The following EFHD1 variants were observed in gnomAD, a reference collection of about 807,000 sequenced individuals.
EFHD1 encodes the protein EF-hand domain-containing protein D1.
EFHD1 carries 10 observed loss-of-function variants against 17.2 expected under a neutral mutation model. That is an observed-to-expected ratio of 0.58 (90% confidence interval 0.36 to 0.99). EFHD1 has a LOEUF of 0.99. Ranked by LOEUF, EFHD1 falls within the 50% of genes least tolerant of loss-of-function variation. The pLI is 0.01. For synonymous variants in EFHD1, 153 were observed against 142.0 expected, an observed-to-expected ratio of 1.08 and a Z score of -0.55; for missense variants, 310 against 327.5, an observed-to-expected ratio of 0.95 and a Z score of 0.41.
chr2:232,634,525 G>C (rs1036442540), intron 1 of EFHD1, among the ~76,000 whole-genome samples: 1 of 152,246 alleles, frequency 6.6e-6, no homozygotes, highest in African/African-American at 2.4e-5. Flanking sequence ...CGTTGTAAGA[G>C]ATTCAGGACT....
intron 3 of EFHD1, among the ~76,000 whole-genome samples, chr2:232,678,871 G>C (rs1206830493): frequency 3.3e-5 from 5 of 152,166 alleles, no homozygotes; most frequent in Non-Finnish European, 5.9e-5. Context: ...TAATGGGCTA[G>C]CAATAAAAGG....
upstream of EFHD1, among the ~76,000 whole-genome samples, chr2:232,632,668 C>A (rs1694224958): frequency 1.3e-5 from 2 of 152,214 alleles, no homozygotes; most frequent in South Asian, 4.1e-4. Context: ...CTCTGTCGCC[C>A]AGGCTGGAGT....
chr2:232,622,704 T>A (rs1694042354), intron 1 of EFHD1, among the ~76,000 whole-genome samples: 1 of 151,960 alleles, frequency 6.6e-6, no homozygotes, highest in Non-Finnish European at 1.5e-5. Flanking sequence ...CCAGTGAGGG[T>A]TGCAGGAGAG....
chr2:232,677,207 T>TACACACACACAC (rs61607311), intron 3 of EFHD1, among the ~76,000 whole-genome samples: 1,995 of 131,298 alleles, frequency 0.015, 63 homozygotes, highest in African/African-American at 0.058. Context: ...ACCCCATCTC[T>TACACACACACAC]ACACACACAC....
chr2:232,666,504 A>G (rs1286781673), intron 2 of EFHD1, among the ~76,000 whole-genome samples: 1 of 152,236 alleles, frequency 6.6e-6, no homozygotes, highest in African/African-American at 2.4e-5. Flanking sequence ...TGCAATTGCC[A>G]AATGAATTAA....
At chr2:232,608,286 C>T (rs966241501) in intron 1 of EFHD1, among the ~76,000 whole-genome samples, 3 of 152,088 alleles carry the variant, frequency 2.0e-5, no homozygotes, top group Admixed American at 1.3e-4. Context: ...GGGAGAATCA[C>T]TTGAATCCGG....
rs912038940 is a variant in EFHD1 at position 232,618,737 on chromosome 2, A to T, written c.14+12564A>T. 1.9e-3 allele frequency among the ~76,000 whole-genome samples: 278 copies of T among 145,134 alleles called. 3 individuals are homozygous for T. The highest frequency in any genetic ancestry group is 6.4e-3 in the African/African-American group (243 of 38,146). ...GACTCTGTCTCAAAAAAAAAAAAAAATTTTGAAAAAAGGGAAATACATGCT... is the reference window on the plus strand; with the variant it reads ...GACTCTGTCTCAAAAAAAAAAAAAATTTTTGAAAAAAGGGAAATACATGCT... On this transcript the variant is annotated intron_variant, in intron 1 of 3. Transcript: ENST00000409613.
chr2:232,647,948 C>A (rs1477033759), intron 1 of EFHD1, among the ~76,000 whole-genome samples: 3 of 152,242 alleles, frequency 2.0e-5, no homozygotes, highest in Admixed American at 2.0e-4. Context: ...CCTTTCAGAA[C>A]TTTTATGCAG....
chr2:232,633,756 G>A lies in EFHD1; in HGVS notation c.52G>A (p.Glu18Lys). 2 of 1,468,210 alleles carry A rather than the reference G, an allele frequency of 1.4e-6. No homozygotes were observed. Among genetic ancestry groups the A allele is most frequent in the Non-Finnish European group, 1.8e-6 (2 of 1,118,178 alleles). 90.9% of individuals were successfully genotyped at this position (1,468,210 alleles called of 1,614,324 possible). A position where few individuals can be genotyped will look rare whatever the true frequency, so the allele number is the denominator to read the frequency against. Residue 18 changes from glutamate (E) to lysine (K), a missense_variant, in exon 1 of 4, where the codon GAG becomes AAG. Transcript: ENST00000264059. ...GCTGGAGCGCCGGCTGCGGCGCGAGGAGGCCGAGGAGAGTGGCCCCCAGCT... is the reference window on the plus strand; with the variant it reads ...GCTGGAGCGCCGGCTGCGGCGCGAGAAGGCCGAGGAGAGTGGCCCCCAGCT... Reference protein sequence around the residue: ...CKLERRLRREEAEESGPQLAP... With the variant: ...CKLERRLRREKAEESGPQLAP...
chr2:232,654,388 A>T (rs1232611952), intron 1 of EFHD1, among the ~76,000 whole-genome samples: 8 of 150,768 alleles, frequency 5.3e-5, no homozygotes, highest in African/African-American at 1.7e-4. Flanking sequence ...CCCCAGAGGT[A>T]AAAGGATGAC....
upstream of EFHD1, chr2:232,633,596 G>T: frequency 1.0e-5 from 13 of 1,304,584 alleles, no homozygotes; most frequent in Non-Finnish European, 1.3e-5. Context: ...GGTCCCCGCC[G>T]CCTCGGCGGA....
intron 2 of EFHD1, among the ~76,000 whole-genome samples, chr2:232,668,150 C>G (rs1364577646): frequency 6.6e-6 from 1 of 152,232 alleles, no homozygotes; most frequent in African/African-American, 2.4e-5. Flanking sequence ...CTACCACATG[C>G]CCGGCTTTGT....
chr2:232,650,661 C>T (rs1050939184), intron 1 of EFHD1, among the ~76,000 whole-genome samples: 4 of 149,596 alleles, frequency 2.7e-5, no homozygotes, highest in African/African-American at 9.9e-5. Flanking sequence ...CTCTGCCTCC[C>T]GGGTTCAAGC....
chr2:232,625,190 G>A (rs920906795), intron 1 of EFHD1, among the ~76,000 whole-genome samples: 4 of 152,068 alleles, frequency 2.6e-5, no homozygotes, highest in Non-Finnish European at 2.9e-5. Flanking sequence ...GTGCAGTGGC[G>A]CAATCACAGC....
At chr2:232,640,249 G>A (rs1316448506) in intron 1 of EFHD1, among the ~76,000 whole-genome samples, 1 of 152,130 alleles carries the variant, frequency 6.6e-6, no homozygotes, top group Non-Finnish European at 1.5e-5. Context: ...TGGTAAACAG[G>A]AATACTTCTT....
intron 2 of EFHD1, among the ~76,000 whole-genome samples, chr2:232,669,071 G>A (rs867848034): frequency 5.3e-5 from 8 of 152,158 alleles, no homozygotes; most frequent in African/African-American, 9.6e-5. Context: ...AGCAGGGCAC[G>A]GAGCGACCAG....
chr2:232,654,110 T>G (rs1248040629), intron 1 of EFHD1, among the ~76,000 whole-genome samples: 1 of 150,366 alleles, frequency 6.7e-6, no homozygotes, highest in Non-Finnish European at 1.5e-5. Context: ...GGGAGGCTGA[T>G]GCATGAGAAT....
chr2:232,632,975 G>A (rs1478839059), upstream of EFHD1, among the ~76,000 whole-genome samples: 1 of 152,250 alleles, frequency 6.6e-6, no homozygotes, highest in East Asian at 1.9e-4. Flanking sequence ...CTGAAGCTAC[G>A]CTGCTTTCCT....
At chr2:232,659,894 G>T (rs146320890) in intron 1 of EFHD1, among the ~76,000 whole-genome samples, 1 of 152,150 alleles carries the variant, frequency 6.6e-6, no homozygotes, top group Non-Finnish European at 1.5e-5. Flanking sequence ...TCACATGGCC[G>T]GAACAGGAGC....
Sources: allele counts gnomAD v4.1 joint callset (sites outside exome capture counted in the v4.1 genomes callset), GRCh38; gene constraint gnomAD v4.1.1; transcripts MANE v1.5; gene names NCBI Gene and HGNC (gene_info 2026-07-23, HGNC 2026-07-21).